Variants in LUZP2 observed in about 807,000 individuals in gnomAD.
LUZP2 encodes leucine zipper protein 2.
Under a neutral mutation model 51.6 loss-of-function variants are expected in LUZP2, and 52 were observed. That is an observed-to-expected ratio of 1.01 (90% CI 0.81 to 1.27). The LOEUF is 1.27. Among genes scored for constraint, LUZP2 ranks in the 50% most tolerant of loss-of-function variants. The pLI is 0.00. For synonymous variants in LUZP2, 154 were observed against 137.3 expected, an observed-to-expected ratio of 1.12 and a Z score of -0.85; for missense variants, 436 against 395.4, an observed-to-expected ratio of 1.10 and a Z score of -0.87.
At chr11:24,877,402 C>A (rs1002256964) in intron 5 of LUZP2, among the ~76,000 whole-genome samples, 1 of 142,304 alleles carries the variant, frequency 7.0e-6, no homozygotes, top group Non-Finnish European at 1.5e-5. Context: ...CAACCTCCAA[C>A]TCTAAGCTTT....
At chr11:25,051,928 T>C (rs1858529495) in intron 10 of LUZP2, among the ~76,000 whole-genome samples, 1 of 152,140 alleles carries the variant, frequency 6.6e-6, no homozygotes, top group South Asian at 2.1e-4. Context: ...CATATGTTAT[T>C]TGTTTCTCTC....
chr11:24,772,494 C>A (rs777914674), intron 5 of LUZP2, among the ~76,000 whole-genome samples: 9 of 152,126 alleles, frequency 5.9e-5, no homozygotes, highest in Non-Finnish European at 1.2e-4. Context: ...TTAATTATAA[C>A]TTTCTTTTTT....
chr11:24,596,069 C>A (rs1853435713), intron 1 of LUZP2, among the ~76,000 whole-genome samples: 1 of 152,198 alleles, frequency 6.6e-6, no homozygotes, highest in Admixed American at 6.5e-5. Flanking sequence ...AATTTTTAAA[C>A]TGCAGTAGTA....
intron 5 of LUZP2, among the ~76,000 whole-genome samples, chr11:24,858,519 T>C (rs1851636785): frequency 6.6e-6 from 1 of 152,160 alleles, no homozygotes; most frequent in Non-Finnish European, 1.5e-5. Context: ...TGTAAAATAA[T>C]GTTACATTTC....
intron 9 of LUZP2, among the ~76,000 whole-genome samples, chr11:25,028,046 T>G (rs1857546528): frequency 6.6e-6 from 1 of 151,986 alleles, no homozygotes; most frequent in Non-Finnish European, 1.5e-5. Context: ...AGTTTTAACT[T>G]TTGATTTATT....
At chr11:24,771,700 T>C (rs1296397238) in intron 5 of LUZP2, among the ~76,000 whole-genome samples, 1 of 152,052 alleles carries the variant, frequency 6.6e-6, no homozygotes, top group Non-Finnish European at 1.5e-5. Context: ...TAATTTGTAA[T>C]AATCCCCACG....
chr11:24,817,206 A>G (rs1362543486), intron 5 of LUZP2, among the ~76,000 whole-genome samples: 2 of 126,372 alleles, frequency 1.6e-5, no homozygotes, highest in African/African-American at 6.5e-5. Context: ...CAATAAATGA[A>G]TGCTATCATT....
intron 9 of LUZP2, among the ~76,000 whole-genome samples, chr11:25,019,492 A>G (rs182045977): frequency 1.7e-3 from 263 of 152,198 alleles, no homozygotes; most frequent in Non-Finnish European, 2.9e-3. Context: ...TTATTTATGA[A>G]TTTTTAATTA....
intron 1 of LUZP2, among the ~76,000 whole-genome samples, chr11:24,643,118 C>T (rs1205347783): frequency 3.3e-5 from 5 of 151,518 alleles, no homozygotes; most frequent in Non-Finnish European, 7.4e-5. Flanking sequence ...GAGATTAAGA[C>T]GAGATTAAGG....
At chr11:24,570,384 T>A (rs1158487276) in intron 1 of LUZP2, among the ~76,000 whole-genome samples, 1 of 152,130 alleles carries the variant, frequency 6.6e-6, no homozygotes, top group Non-Finnish European at 1.5e-5. Context: ...ATTGAACATG[T>A]AGTGTTTACT....
At chr11:24,891,059 T>G (rs1852839014) in intron 5 of LUZP2, 1 of 983,830 alleles carries the variant, frequency 1.0e-6, no homozygotes, top group Admixed American at 6.2e-5. Flanking sequence ...AAGTTATAAA[T>G]AGCTGAGAAA....
At chr11:24,800,949 A>G (rs1849681864) in intron 5 of LUZP2, among the ~76,000 whole-genome samples, 1 of 152,180 alleles carries the variant, frequency 6.6e-6, no homozygotes, top group Non-Finnish European at 1.5e-5. Context: ...ACCAGAACAA[A>G]CTATTGTAAT....
intron 5 of LUZP2, among the ~76,000 whole-genome samples, chr11:24,903,049 G>A (rs1427281290): frequency 1.3e-5 from 2 of 152,064 alleles, no homozygotes; most frequent in African/African-American, 4.8e-5. Flanking sequence ...TCTTAGGTGT[G>A]AGTGGTTTTG....
chr11:24,944,789 A>G (rs1469172017), intron 7 of LUZP2, among the ~76,000 whole-genome samples: 2 of 152,176 alleles, frequency 1.3e-5, no homozygotes, highest in African/African-American at 2.4e-5. Context: ...TGACCTGGCA[A>G]AAGCTGAGAC....
Position 24,827,154 on chromosome 11 carries a change from A to G in LUZP2, c.396+63846A>G, listed in dbSNP as rs536002787. Reference sequence around the variant, plus strand: ...AGATTGAATGGCCAATTTTAAATCTATGCAGTATGGCATATTCAGTTGAGG... The same window carrying G: ...AGATTGAATGGCCAATTTTAAATCTGTGCAGTATGGCATATTCAGTTGAGG... On this transcript the variant is annotated intron_variant, in intron 5 of 11. Coordinates refer to ENST00000336930, the MANE Select transcript of LUZP2 (RefSeq NM_001009909.4). 1.8e-4 allele frequency among the ~76,000 whole-genome samples: 28 copies of G among 152,334 alleles called. No homozygotes were observed. In the South Asian group the frequency reaches 5.8e-3, roughly 32 times the overall value.
intron 7 of LUZP2, among the ~76,000 whole-genome samples, chr11:24,960,907 G>C (rs942013112): frequency 5.9e-5 from 9 of 152,052 alleles, no homozygotes; most frequent in East Asian, 3.9e-4. Context: ...TCCCTCTACA[G>C]ACTGCTTTGA....
intron 5 of LUZP2, among the ~76,000 whole-genome samples, chr11:24,900,307 T>C (rs1853236817): frequency 6.6e-6 from 1 of 152,188 alleles, no homozygotes; most frequent in African/African-American, 2.4e-5. Flanking sequence ...CTAGGGTTTT[T>C]ATTAAATATC....
chr11:24,558,506 A>T (rs1851939466), intron 1 of LUZP2, among the ~76,000 whole-genome samples: 1 of 152,114 alleles, frequency 6.6e-6, no homozygotes, highest in Admixed American at 6.6e-5. Flanking sequence ...ATAGTACCAA[A>T]TTTGACATGC....
chr11:25,031,853 T>C (rs1857697766), intron 9 of LUZP2, among the ~76,000 whole-genome samples: 1 of 152,186 alleles, frequency 6.6e-6, no homozygotes, highest in South Asian at 2.1e-4. Flanking sequence ...AAGTTATTTA[T>C]AAGTACATTT....
Sources: gnomAD v4.1 joint callset for allele counts (sites outside exome capture counted in the v4.1 genomes callset) on GRCh38, gnomAD v4.1.1 for gene constraint, MANE v1.5 for transcripts, NCBI Gene and HGNC (gene_info 2026-07-23, HGNC 2026-07-21) for gene names.